Variants in PYY observed in about 807,000 individuals in gnomAD.
PYY encodes peptide tyrosine tyrosine.
Under a neutral mutation model 10.3 loss-of-function variants are expected in PYY, and 12 were observed. The observed-to-expected ratio is 1.17, with a 90% CI of 0.75 to 1.89. PYY has a LOEUF of 1.89. Among genes scored for constraint, PYY ranks in the 40% most tolerant of loss-of-function variants. PYY has a pLI of 0.00. For synonymous variants in PYY, 66 were observed against 62.0 expected (o/e 1.06, Z -0.30); for missense variants, 141 against 134.0 (o/e 1.05, Z -0.26).
chr17:43,989,491 G>T (rs923927080), intron 1 of PYY, among the ~76,000 whole-genome samples: 9 of 152,076 alleles, frequency 5.9e-5, no homozygotes, highest in Non-Finnish European at 1.0e-4. Flanking sequence ...TTCCCACCCA[G>T]AGTACACTAG....
intron 1 of PYY, among the ~76,000 whole-genome samples, chr17:43,998,213 A>G (rs2049003574): frequency 6.7e-6 from 1 of 150,226 alleles, no homozygotes; most frequent in South Asian, 2.1e-4. Flanking sequence ...TATTGGGATT[A>G]CAGGCATGAG....
In PYY at chr17:43,953,300, G is replaced by C. The variant is rs974859439; in HGVS notation, c.184C>G (p.Gln62Glu). The change falls in exon 2 of 4, where the codon CAG becomes GAG. Residue 62 changes from glutamine (Q) to glutamate (E), a missense_variant. Coordinates refer to ENST00000692052, the MANE Select transcript of PYY (RefSeq NM_001394028.1). The stretch of plus-strand genomic sequence containing the variant: ...CCGCTCCGCGCCTGCGCTCACCGCT[G>C]CCGGGTGACCAGGTTGAGGTAGTGG... ...LRHYLNLVTR[Q>E]RYGKRDGPDT... 1 of 1,612,044 alleles carries C rather than the reference G, an allele frequency of 6.2e-7. No homozygotes were observed. Among genetic ancestry groups the C allele is most frequent in the Non-Finnish European group, 8.5e-7 (1 of 1,179,114 alleles).
chr17:43,986,938 A>G (rs1449173972), intron 1 of PYY, among the ~76,000 whole-genome samples: 1 of 152,204 alleles, frequency 6.6e-6, no homozygotes, highest in Non-Finnish European at 1.5e-5. Context: ...TCACATTATT[A>G]GCTCCACATT....
In PYY at chr17:43,971,508, T is replaced by G. The variant is rs187139798; in HGVS notation, c.-462-4976A>C. On this transcript the variant is annotated intron_variant, in intron 1 of 6. Transcript: ENST00000360085. ...TCACTTGAACCTGGGAGGTGTAGGT[T>G]GCAGTGAGCCAAGATCATGCCACCA... Among the ~76,000 whole-genome samples the G allele has an allele frequency of 2.4e-3, 354 of 150,508 alleles. 3 individuals carry two copies. Among genetic ancestry groups the G allele is most frequent in the African/African-American group, 8.2e-3 (336 of 40,878 alleles).
chr17:43,962,529 C>CA (rs1184665004), intron 2 of PYY, among the ~76,000 whole-genome samples: 1 of 152,094 alleles, frequency 6.6e-6, no homozygotes, highest in East Asian at 1.9e-4. Flanking sequence ...CCATGCTGTA[C>CA]AAAAAATGAG....
intron 1 of PYY, chr17:43,966,634 C>G (rs2143911478): frequency 6.6e-6 from 1 of 152,312 alleles, no homozygotes; most frequent in East Asian, 1.9e-4. Flanking sequence ...TGCCCTTTAC[C>G]CCAACACTCC....
intron 1 of PYY, among the ~76,000 whole-genome samples, chr17:43,985,995 G>A (rs1619588): frequency 0.53 from 80,998 of 151,988 alleles, 22,491 homozygotes; most frequent in Middle Eastern, 0.75. Flanking sequence ...GGTGGCTCAC[G>A]CCTGTAATCC....
At chr17:43,999,973 C>G (rs2049015344) in intron 1 of PYY, among the ~76,000 whole-genome samples, 1 of 151,998 alleles carries the variant, frequency 6.6e-6, no homozygotes, top group South Asian at 2.1e-4. Flanking sequence ...AGGTGGAGAG[C>G]AGAGACATGG....
intron 1 of PYY, among the ~76,000 whole-genome samples, chr17:43,983,944 T>G (rs1238891667): frequency 1.3e-5 from 2 of 152,318 alleles, no homozygotes; most frequent in East Asian, 3.9e-4. Context: ...AAGTGGCGTC[T>G]GTGTACCCAG....
chr17:43,986,635 C>T (rs562183873), intron 1 of PYY, among the ~76,000 whole-genome samples: 1 of 152,262 alleles, frequency 6.6e-6, no homozygotes, highest in East Asian at 1.9e-4. Context: ...CAATAATAGC[C>T]TTGCAAGGTC....
chr17:43,962,545 T>C (rs906471914), intron 2 of PYY, among the ~76,000 whole-genome samples: 8 of 152,196 alleles, frequency 5.3e-5, no homozygotes, highest in Admixed American at 2.6e-4. Flanking sequence ...ATGAGCATTC[T>C]TGACCACGTG....
intron 1 of PYY, among the ~76,000 whole-genome samples, chr17:43,974,367 C>T (rs994560995): frequency 1.3e-5 from 2 of 151,842 alleles, no homozygotes; most frequent in Non-Finnish European, 2.9e-5. Flanking sequence ...GGGGATGGTT[C>T]TAGGTGAACA....
intron 1 of PYY, among the ~76,000 whole-genome samples, chr17:43,982,838 G>A (rs971827053): frequency 6.6e-6 from 1 of 152,124 alleles, no homozygotes; most frequent in African/African-American, 2.4e-5. Flanking sequence ...TGGATAAGAG[G>A]GTTTCTTCTT....
At chr17:43,967,319 A>G (rs2048761378) in intron 1 of PYY, among the ~76,000 whole-genome samples, 1 of 152,090 alleles carries the variant, frequency 6.6e-6, no homozygotes, top group African/African-American at 2.4e-5. Flanking sequence ...GAAGAAGAAG[A>G]AGAAAGCAAT....
At chr17:43,989,899 T>C (rs71367997) in intron 1 of PYY, among the ~76,000 whole-genome samples, 658 of 58,710 alleles carry the variant, frequency 0.011, 69 homozygotes, top group Non-Finnish European at 0.017. Context: ...TATATATATA[T>C]ACACACAAAT....
chr17:43,995,492 C>G (rs960807022), intron 1 of PYY, among the ~76,000 whole-genome samples: 1 of 151,944 alleles, frequency 6.6e-6, no homozygotes, highest in African/African-American at 2.4e-5. Context: ...AACAATACCT[C>G]CCATCCCACA....
chr17:43,982,434 T>A (rs138870809), intron 1 of PYY, among the ~76,000 whole-genome samples: 54 of 152,378 alleles, frequency 3.5e-4, no homozygotes, highest in African/African-American at 1.3e-3. Context: ...CAGTACACAC[T>A]CATGTACGCC....
upstream of PYY, among the ~76,000 whole-genome samples, chr17:43,956,418 A>ACCC (rs3080280): frequency 0.011 from 1,713 of 150,388 alleles, 34 homozygotes; most frequent in African/African-American, 0.039. Context: ...GGGCTCAGCC[A>ACCC]CCCCCCGATC....
chr17:43,989,029 T>C (rs1316712583), intron 1 of PYY, among the ~76,000 whole-genome samples: 1 of 151,430 alleles, frequency 6.6e-6, no homozygotes, highest in Non-Finnish European at 1.5e-5. Context: ...CCCAAAGTGC[T>C]GAGATTACAA....
Sources: gnomAD v4.1 joint callset for allele counts (sites outside exome capture counted in the v4.1 genomes callset) on GRCh38, gnomAD v4.1.1 for gene constraint, MANE v1.5 for transcripts, NCBI Gene and HGNC (gene_info 2026-07-23, HGNC 2026-07-21) for gene names.